The following CCSER1 variants were observed in gnomAD, a reference collection of about 807,000 sequenced individuals.
The protein encoded by CCSER1 is serine-rich coiled-coil domain-containing protein 1.
CCSER1 carries 41 observed loss-of-function variants against 82.0 expected under a neutral mutation model. The ratio of observed to expected loss-of-function variants is 0.50; its 90% CI spans 0.39 to 0.65. The LOEUF is 0.65. Among genes scored for constraint, CCSER1 ranks in the 30% least tolerant of loss-of-function variants. The probability of loss-of-function intolerance (pLI) is 0.00; values close to 1 mark genes in which losing one functional copy is unlikely to be tolerated. For missense variants in CCSER1, 1,119 were observed against 1,064.2 expected (o/e 1.05, Z -0.72); for synonymous variants, 414 against 383.9 (o/e 1.08, Z -0.92).
intron 6 of CCSER1, among the ~76,000 whole-genome samples, chr4:90,667,195 A>G (rs1731949193): frequency 6.6e-6 from 1 of 152,144 alleles, no homozygotes; most frequent in Non-Finnish European, 1.5e-5. Context: ...CATGGGTTCC[A>G]ATCCTGTCCT....
intron 10 of CCSER1, among the ~76,000 whole-genome samples, chr4:91,576,449 T>A (rs1489596246): frequency 6.6e-6 from 1 of 152,104 alleles, no homozygotes; most frequent in South Asian, 2.1e-4. Flanking sequence ...AACTTTCAGT[T>A]ATGAGTAAAT....
intron 3 of CCSER1, among the ~76,000 whole-genome samples, chr4:90,343,608 C>A (rs1186740832): frequency 2.6e-5 from 4 of 152,032 alleles, no homozygotes; most frequent in African/African-American, 9.7e-5. Context: ...AGAGTGAGAC[C>A]CTGTCCCAAA....
At chr4:91,193,914 A>G (rs900522735) in intron 10 of CCSER1, among the ~76,000 whole-genome samples, 1 of 152,068 alleles carries the variant, frequency 6.6e-6, no homozygotes, top group African/African-American at 2.4e-5. Context: ...GTTTGAGACA[A>G]TATTTCGTTG....
intron 10 of CCSER1, among the ~76,000 whole-genome samples, chr4:91,150,322 T>C (rs1289150563): frequency 6.6e-6 from 1 of 152,224 alleles, no homozygotes; most frequent in African/African-American, 2.4e-5. Flanking sequence ...TTTTTGCACA[T>C]TGATTTTGTA....
At chr4:90,704,967 T>G (rs1739017631) in intron 6 of CCSER1, among the ~76,000 whole-genome samples, 1 of 152,250 alleles carries the variant, frequency 6.6e-6, no homozygotes, top group African/African-American at 2.4e-5. Flanking sequence ...CCTTCTTTTC[T>G]CAACTCGTCA....
At chr4:91,135,968 A>G (rs1728429971) in intron 10 of CCSER1, among the ~76,000 whole-genome samples, 1 of 152,222 alleles carries the variant, frequency 6.6e-6, no homozygotes, top group South Asian at 2.1e-4. Context: ...TGACATACAT[A>G]CATTATGTTG....
chr4:91,226,080 G>A (rs1389687340), intron 10 of CCSER1, among the ~76,000 whole-genome samples: 1 of 151,954 alleles, frequency 6.6e-6, no homozygotes. Flanking sequence ...ATGTATACAA[G>A]TGCGATGTTG....
At chr4:90,643,777 T>G (rs1300212534) in intron 6 of CCSER1, among the ~76,000 whole-genome samples, 1 of 151,990 alleles carries the variant, frequency 6.6e-6, no homozygotes, top group Non-Finnish European at 1.5e-5. Context: ...TTTAATTTCT[T>G]TAGCAGTCAT....
intron 10 of CCSER1, among the ~76,000 whole-genome samples, chr4:91,431,709 T>C (rs1359542930): frequency 6.6e-6 from 1 of 152,160 alleles, no homozygotes; most frequent in Non-Finnish European, 1.5e-5. Flanking sequence ...TCAGGTGATC[T>C]GTCTGCCTCG....
chr4:91,292,760 C>A (rs990897692), intron 10 of CCSER1, among the ~76,000 whole-genome samples: 2 of 151,756 alleles, frequency 1.3e-5, no homozygotes, highest in South Asian at 4.1e-4. Context: ...TAAAACAGAG[C>A]AAAAATAAAT....
At chr4:90,840,024 A>T (rs1251078175) in intron 8 of CCSER1, among the ~76,000 whole-genome samples, 1 of 151,840 alleles carries the variant, frequency 6.6e-6, no homozygotes, top group East Asian at 1.9e-4. Flanking sequence ...TCAAGTAAAT[A>T]TAATACAATA....
chr4:90,457,612 A>T (rs551136105), intron 4 of CCSER1, among the ~76,000 whole-genome samples: 1 of 152,222 alleles, frequency 6.6e-6, no homozygotes, highest in East Asian at 1.9e-4. Flanking sequence ...GCTCCTCCCC[A>T]CAGGCAGGTT....
At chr4:91,499,641 C>A (rs1013273572) in intron 10 of CCSER1, among the ~76,000 whole-genome samples, 1 of 151,862 alleles carries the variant, frequency 6.6e-6, no homozygotes, top group Non-Finnish European at 1.5e-5. Context: ...TCTCTCCTTT[C>A]CCCCTAATCT....
Position 91,353,494 on chromosome 4 carries a change from T to C in CCSER1, c.2218-245078T>C, listed in dbSNP as rs370354069. 1.2e-4 allele frequency among the ~76,000 whole-genome samples: 18 copies of C among 152,352 alleles called. No homozygotes were observed. In the East Asian group the frequency reaches 2.3e-3, roughly 20 times the overall value. On this transcript the variant is annotated intron_variant, in intron 10 of 10. Coordinates refer to ENST00000509176, the MANE Select transcript of CCSER1 (RefSeq NM_001145065.2). The stretch of plus-strand genomic sequence containing the variant: ...CCAGGCCTGGTTTTGGGCGTGGTGC[T>C]GGGCTGCCTGTCTTTGGTTTTACTT...
chr4:90,235,689 T>A (rs186156681), intron 1 of CCSER1, among the ~76,000 whole-genome samples: 1 of 152,272 alleles, frequency 6.6e-6, no homozygotes, highest in Non-Finnish European at 1.5e-5. Context: ...CAAGAGTGGT[T>A]TCAGTGTGCT....
intron 10 of CCSER1, among the ~76,000 whole-genome samples, chr4:91,151,671 G>T (rs1730219368): frequency 6.6e-6 from 1 of 152,118 alleles, no homozygotes; most frequent in Admixed American, 6.6e-5. Context: ...CTGGTATGTT[G>T]TGTCTTTGTT....
At chr4:91,295,525 AAT>A (rs1744087675) in intron 10 of CCSER1, among the ~76,000 whole-genome samples, 1 of 151,916 alleles carries the variant, frequency 6.6e-6, no homozygotes, top group African/African-American at 2.4e-5. Context: ...TAATTACTGA[AAT>A]ATGGGAAAGT....
chr4:90,583,805 AT>A (rs574137281), intron 5 of CCSER1, among the ~76,000 whole-genome samples: 45 of 151,512 alleles, frequency 3.0e-4, no homozygotes, highest in African/African-American at 9.7e-4. Flanking sequence ...AAAAAAACTG[AT>A]TTTTTTTTCA....
At chr4:91,128,172 C>T (rs181096039) in intron 10 of CCSER1, among the ~76,000 whole-genome samples, 5 of 152,048 alleles carry the variant, frequency 3.3e-5, no homozygotes, top group Non-Finnish European at 7.4e-5. Flanking sequence ...TCTACCCAGG[C>T]CCACGTGTTC....
Sources: allele counts gnomAD v4.1 joint callset (sites outside exome capture counted in the v4.1 genomes callset), GRCh38; gene constraint gnomAD v4.1.1; transcripts MANE v1.5; gene names NCBI Gene and HGNC (gene_info 2026-07-23, HGNC 2026-07-21).